The following RNF216 variants were observed in gnomAD, a reference collection of about 807,000 sequenced individuals.
RNF216 encodes the protein ring finger protein 216, also known as E3 ubiquitin-protein ligase RNF216.
Under a neutral mutation model 110.8 loss-of-function variants are expected in RNF216, and 72 were observed. The ratio of observed to expected loss-of-function variants is 0.65; its 90% CI spans 0.54 to 0.79. RNF216 has a LOEUF of 0.79. Among genes scored for constraint, RNF216 ranks in the 30% least tolerant of loss-of-function variants. The probability of loss-of-function intolerance (pLI) is 0.00; values close to 1 mark genes in which losing one functional copy is unlikely to be tolerated. For missense variants in RNF216, 1,342 were observed against 1,141.2 expected, an observed-to-expected ratio of 1.18 and a Z score of -2.54; for synonymous variants, 495 against 407.5, an observed-to-expected ratio of 1.21 and a Z score of -2.59.
At chr7:5,736,275 G>A (rs1314916772) in intron 5 of RNF216, among the ~76,000 whole-genome samples, 16 of 152,224 alleles carry the variant, frequency 1.1e-4, no homozygotes, top group African/African-American at 3.6e-4. Context: ...GCGCCGCCAC[G>A]CCTGACTGGT....
chr7:5,754,606 G>A (rs576319918), intron 2 of RNF216, among the ~76,000 whole-genome samples: 42 of 152,152 alleles, frequency 2.8e-4, no homozygotes, highest in Admixed American at 1.7e-3. Flanking sequence ...CAGGAGTCAA[G>A]AGAGAAAATG....
intron 13 of RNF216, among the ~76,000 whole-genome samples, chr7:5,698,090 C>T (rs571433163): frequency 6.6e-6 from 1 of 152,216 alleles, no homozygotes; most frequent in South Asian, 2.1e-4. Flanking sequence ...TTTTATGAGG[C>T]TATGGGGATT....
At chr7:5,726,736 G>A (rs1447335414) in intron 7 of RNF216, among the ~76,000 whole-genome samples, 2 of 151,938 alleles carry the variant, frequency 1.3e-5, no homozygotes, top group African/African-American at 4.8e-5. Flanking sequence ...GCAAGCGCCT[G>A]TAATCCCAGC....
At chr7:5,695,998 G>A (rs892520668) in intron 13 of RNF216, among the ~76,000 whole-genome samples, 11 of 152,188 alleles carry the variant, frequency 7.2e-5, no homozygotes, top group Admixed American at 4.6e-4. Context: ...GGACTAGGCT[G>A]GGAAGGGAGG....
At chr7:5,769,262 C>T (rs983502904) in intron 1 of RNF216, among the ~76,000 whole-genome samples, 2 of 151,782 alleles carry the variant, frequency 1.3e-5, no homozygotes, top group Non-Finnish European at 2.9e-5. Context: ...GGACTACAGG[C>T]GTGCGCCACC....
chr7:5,670,323 G>A (rs1562809706), intron 13 of RNF216, among the ~76,000 whole-genome samples: 1 of 152,128 alleles, frequency 6.6e-6, no homozygotes, highest in Non-Finnish European at 1.5e-5. Flanking sequence ...ACACATGCCT[G>A]ACCACAGTGC....
chr7:5,758,895 A>G (rs1380340589), intron 2 of RNF216, among the ~76,000 whole-genome samples: 2 of 152,198 alleles, frequency 1.3e-5, no homozygotes, highest in Non-Finnish European at 2.9e-5. Context: ...CAATGTGAGA[A>G]GGACAAGAGA....
At position 5,778,859 on chromosome 7, in the gene RNF216, T is replaced by A. The variant is rs147623848; in HGVS notation, c.-70+2682A>T. Among the ~76,000 whole-genome samples the A allele has an allele frequency of 4.9e-4, 75 of 152,370 alleles. 1 individual carries two copies. The East Asian group carries it at 0.012, about 25-fold the overall frequency. Reference sequence around the variant, plus strand: ...CCCGAGTTCATGTGATTCTCCTGCCTCAGCCTCCCCAGTAGCTGGGATTAC... The same window carrying A: ...CCCGAGTTCATGTGATTCTCCTGCCACAGCCTCCCCAGTAGCTGGGATTAC... On this transcript the variant is annotated intron_variant, in intron 1 of 16. Coordinates refer to ENST00000389902, the MANE Select transcript of RNF216 (RefSeq NM_207111.4).
chr7:5,747,000 G>C (rs1042629437), intron 3 of RNF216, among the ~76,000 whole-genome samples: 7 of 152,052 alleles, frequency 4.6e-5, no homozygotes, highest in African/African-American at 1.4e-4. Flanking sequence ...AACTAGAAAC[G>C]CAAGATTACC....
chr7:5,675,538 A>T (rs1790227267), intron 13 of RNF216, among the ~76,000 whole-genome samples: 1 of 152,058 alleles, frequency 6.6e-6, no homozygotes, highest in Non-Finnish European at 1.5e-5. Flanking sequence ...GCTACTCAGG[A>T]GGCTGAGGCA....
intron 5 of RNF216, among the ~76,000 whole-genome samples, 160 bp downstream of exon 5, chr7:5,739,116 G>C (rs1794606105): frequency 6.6e-6 from 1 of 152,162 alleles, no homozygotes; most frequent in South Asian, 2.1e-4. Flanking sequence ...GAAGATGAAA[G>C]AGTTCTGAAG....
intron 13 of RNF216, among the ~76,000 whole-genome samples, chr7:5,669,774 C>T (rs1459551606): frequency 6.6e-6 from 1 of 152,106 alleles, no homozygotes; most frequent in African/African-American, 2.4e-5. Context: ...CACTTGTGAT[C>T]CAAGCTACTC....
intron 13 of RNF216, among the ~76,000 whole-genome samples, chr7:5,659,526 C>T (rs926186258): frequency 1.3e-5 from 2 of 152,082 alleles, no homozygotes; most frequent in Non-Finnish European, 2.9e-5. Flanking sequence ...AGGACTGAGG[C>T]TATAGGAAGG....
chr7:5,697,139 C>T (rs1203712269), intron 13 of RNF216, among the ~76,000 whole-genome samples: 5 of 152,344 alleles, frequency 3.3e-5, no homozygotes, highest in South Asian at 4.1e-4. Flanking sequence ...TGACCCTTCA[C>T]CCAGCTTTGC....
At chr7:5,775,768 C>T (rs936465600) in intron 1 of RNF216, among the ~76,000 whole-genome samples, 1 of 151,968 alleles carries the variant, frequency 6.6e-6, no homozygotes, top group Non-Finnish European at 1.5e-5. Flanking sequence ...ACTCGGGAGG[C>T]TGAGGCAGGA....
chr7:5,778,297 T>G (rs886146373), intron 1 of RNF216, among the ~76,000 whole-genome samples: 1 of 152,218 alleles, frequency 6.6e-6, no homozygotes, highest in East Asian at 1.9e-4. Flanking sequence ...AAACTACTCT[T>G]CTTCACTGCC....
At chr7:5,744,300 T>C (rs1458781751) in intron 3 of RNF216, among the ~76,000 whole-genome samples, 1 of 152,206 alleles carries the variant, frequency 6.6e-6, no homozygotes, top group East Asian at 1.9e-4. Flanking sequence ...GAGAAATTAG[T>C]GCATTGAAAG....
intron 16 of RNF216, 72 bp from the exon 17 acceptor site, chr7:5,623,251 G>A (rs1786503858): frequency 1.4e-6 from 2 of 1,423,804 alleles, no homozygotes; most frequent in African/African-American, 1.4e-5. Context: ...TGGGACCAGG[G>A]CAGCGACCTC....
intron 13 of RNF216, among the ~76,000 whole-genome samples, chr7:5,684,721 G>C (rs965643602): frequency 6.6e-6 from 1 of 152,118 alleles, no homozygotes; most frequent in African/African-American, 2.4e-5. Flanking sequence ...AATTCCAGTG[G>C]GTGTTCAAGC....
Sources: allele counts gnomAD v4.1 joint callset (sites outside exome capture counted in the v4.1 genomes callset), GRCh38; gene constraint gnomAD v4.1.1; transcripts MANE v1.5; gene names NCBI Gene and HGNC (gene_info 2026-07-23, HGNC 2026-07-21).